The following HMCN2 variants were observed in gnomAD, a reference collection of about 807,000 sequenced individuals.
The protein encoded by HMCN2 is hemicentin-2.
Under a neutral mutation model 377.5 loss-of-function variants are expected in HMCN2, and 325 were observed. The observed-to-expected ratio is 0.86, with a 90% CI of 0.79 to 0.94. The LOEUF is 0.94. Among genes scored for constraint, HMCN2 ranks in the 40% least tolerant of loss-of-function variants. The pLI is 0.00. For synonymous variants in HMCN2, 2,007 were observed against 2,046.8 expected, an observed-to-expected ratio of 0.98 and a Z score of 0.53; for missense variants, 4,543 against 4,725.3, an observed-to-expected ratio of 0.96 and a Z score of 1.13.
intron 59 of HMCN2, 119 bp downstream of exon 59, chr9:130,384,917 C>T (rs1313527876): frequency 2.5e-5 from 15 of 609,636 alleles, no homozygotes; most frequent in Admixed American, 5.0e-5. Context: ...GAGGCTGGGA[C>T]GCCCGCACAG....
At position 130,361,606 on chromosome 9, in the gene HMCN2, G is replaced by T. The variant is rs1169683931; in HGVS notation, c.5951-402G>T. On this transcript the variant is annotated intron_variant, in intron 38 of 97. Coordinates refer to ENST00000683500, the MANE Select transcript of HMCN2 (RefSeq NM_001291815.2). The surrounding 1 kb of genome is among the most constrained non-coding windows in gnomAD (Gnocchi z 4.8). ...CAATGGAATCTTCTGGCTATTTTCT[G>T]CCAAAAGGGGACTGCCTGTAATATG... Among the ~76,000 whole-genome samples the T allele has an allele frequency of 6.6e-6, 1 of 152,168 alleles. No homozygotes were observed. The highest frequency in any genetic ancestry group is 6.5e-5 in the Admixed American group (1 of 15,286).
At chr9:130,277,242 A>G (rs1834743918) in intron 1 of HMCN2, among the ~76,000 whole-genome samples, 1 of 152,250 alleles carries the variant, frequency 6.6e-6, no homozygotes, top group South Asian at 2.1e-4. Context: ...ACATGCTGGA[A>G]GAGGGCTTGA....
intron 82 of HMCN2, chr9:130,406,820 C>T (rs1677871316): frequency 6.5e-6 from 1 of 154,996 alleles, no homozygotes; most frequent in African/African-American, 2.4e-5. Context: ...ACCAGGGGTC[C>T]TGAGGACAGA....
chr9:130,283,308 T>C (rs1369724499), intron 1 of HMCN2, among the ~76,000 whole-genome samples: 1 of 152,026 alleles, frequency 6.6e-6, no homozygotes, highest in East Asian at 1.9e-4. Context: ...TTCAAACATA[T>C]ACAACATAAG....
intron 1 of HMCN2, among the ~76,000 whole-genome samples, chr9:130,280,148 GT>G (rs1476423794): frequency 1.5e-4 from 14 of 92,342 alleles, no homozygotes; most frequent in Middle Eastern, 4.8e-3. Flanking sequence ...GTGTGTGTGT[GT>G]GTTTTTTTTT....
intron 4 of HMCN2, among the ~76,000 whole-genome samples, chr9:130,291,399 G>A (rs1554930027): frequency 6.6e-6 from 1 of 152,140 alleles, no homozygotes; most frequent in African/African-American, 2.4e-5. Flanking sequence ...TAGTAGAGAT[G>A]GAGTTTCACT....
intron 54 of HMCN2, 23 bp from the exon 55 acceptor site, chr9:130,382,161 G>T (rs1189502649): frequency 1.0e-6 from 1 of 975,986 alleles, no homozygotes; most frequent in Non-Finnish European, 1.2e-6. Flanking sequence ...CTGAGCCCAG[G>T]CCTCTGTCCC....
rs1836938341 is a variant in HMCN2 at position 130,307,464 on chromosome 9, G to A, written c.2098G>A (p.Val700Ile). The A allele has an allele frequency of 2.1e-6, 1 of 470,980 alleles. No homozygotes were observed. Among genetic ancestry groups the A allele is most frequent in the Non-Finnish European group, 4.4e-6 (1 of 227,056 alleles). 29.2% of individuals were successfully genotyped at this position (470,980 alleles called of 1,614,324 possible). A position where few individuals can be genotyped will look rare whatever the true frequency, so the allele number is the denominator to read the frequency against. ...VTLYYTDPPSVSAVNAVVLVA... is the reference protein window; with the variant it reads ...VTLYYTDPPSISAVNAVVLVA... The stretch of plus-strand genomic sequence containing the variant: ...TCTTCCCCACACAGACCCACCGTCG[G>A]TCTCTGCTGTAAATGCCGTGGTGCT... Residue 700 changes from valine (V) to isoleucine (I), a missense_variant, in exon 14 of 98, where the codon GTC becomes ATC. This residue lies in a region of HMCN2 where 547 missense variants were observed against 189.9 expected (regional missense o/e 2.88). Coordinates refer to ENST00000683500, the MANE Select transcript of HMCN2 (RefSeq NM_001291815.2).
chr9:130,270,979 T>G lies in HMCN2; in HGVS notation c.259+4842T>G, dbSNP rs773148792. Among the ~76,000 whole-genome samples the G allele has an allele frequency of 3.5e-4, 52 of 149,172 alleles. 9 individuals are homozygous for G. The highest frequency in any genetic ancestry group is 6.0e-4 in the Admixed American group (9 of 14,924). ...TCCTCAGGTTGTGAGTTTCTCAGGC[T>G]TACTTTCGTTTTGGTGAAATTGACA... On this transcript the variant is annotated intron_variant, in intron 1 of 97. Coordinates refer to ENST00000683500, the MANE Select transcript of HMCN2 (RefSeq NM_001291815.2).
chr9:130,277,378 C>T (rs1834752150), intron 1 of HMCN2, among the ~76,000 whole-genome samples: 2 of 152,218 alleles, frequency 1.3e-5, no homozygotes, highest in African/African-American at 4.8e-5. Context: ...CCTCCCTCTG[C>T]AGGCACAGGA....
rs569775114 is a variant in HMCN2, at chr9:130,303,772, C to T, written c.1543+164C>T. Among the ~76,000 whole-genome samples the T allele has an allele frequency of 3.7e-4, 57 of 152,320 alleles. 1 individual carries two copies. In the South Asian group the frequency reaches 0.012, roughly 31 times the overall value. ...CCTGCCTGCTGCCCCTCATGTGGGG[C>T]CGTCTCACCCAGGAACGGCCTGTGG... On this transcript the variant is annotated intron_variant, in intron 10 of 97. Coordinates refer to ENST00000683500, the MANE Select transcript of HMCN2 (RefSeq NM_001291815.2). This position sits in a 1 kb window ranked among gnomAD's most constrained non-coding sequence, Gnocchi z 5.2.
In HMCN2 at chr9:130,394,575, G is replaced by A; in HGVS notation, c.10692G>A (p.Gln3564=). 1.6e-6 allele frequency: 2 copies of A among 1,283,998 alleles called. No homozygotes were observed. Among genetic ancestry groups the A allele is most frequent in the Non-Finnish European group, 2.0e-6 (2 of 985,402 alleles). 79.5% of individuals were successfully genotyped at this position (1,283,998 alleles called of 1,614,324 possible). Residue 3564 remains glutamine (Q), a splice_region_variant and synonymous_variant, in exon 69 of 98, where the codon CAG becomes CAA. Transcript: ENST00000683500. The surrounding 1 kb of genome is among the most constrained non-coding windows in gnomAD (Gnocchi z 5.1). Reference sequence around the variant, plus strand: ...GGGTGCTCCGGGTGGAGAATGTGCAGGTACCAGTGCCGCCGCCATGGGGCG... The same window carrying A: ...GGGTGCTCCGGGTGGAGAATGTGCAAGTACCAGTGCCGCCGCCATGGGGCG... The part of the protein sequence containing the change: ...ATRVLRVENV[Q]VRDAGLYTCL...
intron 12 of HMCN2, 75 bp downstream of exon 12, chr9:130,306,345 T>C: frequency 2.2e-6 from 1 of 447,424 alleles, no homozygotes; most frequent in Non-Finnish European, 4.7e-6. Context: ...CTCTGGGCCT[T>C]GGCCTTCCTA....
At chr9:130,320,045 C>T (rs1488916204) in intron 16 of HMCN2, among the ~76,000 whole-genome samples, 3 of 152,186 alleles carry the variant, frequency 2.0e-5, no homozygotes, top group African/African-American at 4.8e-5. Context: ...TGCGCCTACC[C>T]TACCACCCAC....
chr9:130,360,604 G>T lies in HMCN2; in HGVS notation c.5950G>T (p.Val1984Leu), dbSNP rs1588308507. The T allele has an allele frequency of 3.9e-6, 5 of 1,286,890 alleles. No homozygotes were observed. Among genetic ancestry groups the T allele is most frequent in the Non-Finnish European group, 5.1e-6 (5 of 977,832 alleles). 79.7% of individuals were successfully genotyped at this position (1,286,890 alleles called of 1,614,324 possible). ...TELRYGLRVN[V>L]PPRITLPPSL... ...GCTGCGGTATGGCCTACGGGTCAATGGTGAGCTTCCCTGGGCCTACAAGGT... is the reference window on the plus strand; with the variant it reads ...GCTGCGGTATGGCCTACGGGTCAATTGTGAGCTTCCCTGGGCCTACAAGGT... Residue 1984 changes from valine (V) to leucine (L), a missense_variant and splice_region_variant, in exon 38 of 98, where the codon GTG becomes TTG. Val to Leu is a conservative substitution (Grantham distance 32). Around this residue, in one of 5 missense-constraint regions of HMCN2, gnomAD observed 1,032 missense variants for 1,285.1 expected, o/e 0.80. Transcript: ENST00000683500. This position sits in a 1 kb window ranked among gnomAD's most constrained non-coding sequence, Gnocchi z 4.7.
At chr9:130,380,948 G>GTC (rs35124372) in intron 54 of HMCN2, among the ~76,000 whole-genome samples, 132,301 of 151,752 alleles carry the variant, frequency 0.87, 59,436 homozygotes, top group Non-Finnish European at 0.97. Context: ...AGTAGGCTCT[G>GTC]ACCTGCTGAT....
In HMCN2 at chr9:130,430,311, A is replaced by C; in HGVS notation, c.14354A>C (p.Lys4785Thr). 1 of 1,543,344 alleles carries C rather than the reference A, an allele frequency of 6.5e-7. No individual in the cohort carries two copies. Among genetic ancestry groups the C allele is most frequent in the Non-Finnish European group, 8.7e-7 (1 of 1,146,660 alleles). The stretch of plus-strand genomic sequence containing the variant: ...GTCAATGAGTGCCTGCAGCTGCCCA[A>C]GGCCTGCGCCTACCAGTGCCACAAC... ...LDVNECLQLPKACAYQCHNLQ... is the reference protein window; with the variant it reads ...LDVNECLQLPTACAYQCHNLQ... The change falls in exon 95 of 98, where the codon AAG (lysine) becomes ACG (threonine). Residue 4785 changes from lysine (K) to threonine (T), a missense_variant. By Grantham distance (78) the Lys-to-Thr change is moderately conservative. This residue lies in a region of HMCN2 where 1,155 missense variants were observed against 1,157.7 expected (regional missense o/e 1.00). Coordinates refer to ENST00000683500, the MANE Select transcript of HMCN2 (RefSeq NM_001291815.2).
At chr9:130,275,596 C>T (rs1226310852) in intron 1 of HMCN2, among the ~76,000 whole-genome samples, 1 of 152,076 alleles carries the variant, frequency 6.6e-6, no homozygotes, top group Admixed American at 6.6e-5. Context: ...ATTACAGGTG[C>T]CTGCCACCAT....
intron 77 of HMCN2, among the ~76,000 whole-genome samples, chr9:130,401,890 A>G (rs1842867332): frequency 6.6e-6 from 1 of 151,998 alleles, no homozygotes; most frequent in African/African-American, 2.4e-5. Flanking sequence ...CCTGGGCAAC[A>G]CAGCAAGACC....
Sources: allele counts gnomAD v4.1 joint callset (sites outside exome capture counted in the v4.1 genomes callset), GRCh38; gene constraint gnomAD v4.1.1; regional missense constraint gnomAD v4.1.1; non-coding constraint Gnocchi (gnomAD v3.1); transcripts MANE v1.5; gene names NCBI Gene and HGNC (gene_info 2026-07-23, HGNC 2026-07-21).